The following CD99L2 variants were observed in gnomAD, a reference collection of about 807,000 sequenced individuals.
CD99L2 encodes CD99 antigen-like protein 2.
In CD99L2, 24 loss-of-function variants were observed where a neutral mutation model predicts 27.3. The observed-to-expected ratio is 0.88, with a 90% CI of 0.64 to 1.24. CD99L2 has a LOEUF of 1.24. Among genes scored for constraint, CD99L2 ranks in the 50% most tolerant of loss-of-function variants. CD99L2 has a pLI of 0.00. For synonymous variants in CD99L2, 97 were observed against 87.9 expected, an observed-to-expected ratio of 1.10 and a Z score of -0.58; for missense variants, 255 against 221.6, an observed-to-expected ratio of 1.15 and a Z score of -0.96.
At chrX:150,788,052 G>C (rs1557419616) in intron 7 of CD99L2, among the ~76,000 whole-genome samples, 3 of 107,121 alleles carry the variant, frequency 2.8e-5, no homozygotes. Flanking sequence ...TCTTGTACCA[G>C]TACCATGCTG....
At position 150,872,045 on chromosome X, in the gene CD99L2, ATGTAGGGAGACCC is replaced by A. The variant is rs781945619; in HGVS notation, c.67+26464_67+26476del. On this transcript the variant is annotated intron_variant, in intron 1 of 10. Transcript: ENST00000370377. Reference sequence around the variant, plus strand: ...CAGGAGTTCAAGACAAGCCTGGGCAATGTAGGGAGACCCTGTCTCTACAAAAAAGTTAAAAATC... The same window carrying A: ...CAGGAGTTCAAGACAAGCCTGGGCAATGTCTCTACAAAAAAGTTAAAAATC... 2.3e-4 allele frequency among the ~76,000 whole-genome samples: 25 copies of A among 111,081 alleles called. No individual in the cohort carries two copies. In the East Asian group the frequency reaches 5.7e-3, roughly 25 times the overall value.
chrX:150,856,794 G>A (rs185723148), intron 1 of CD99L2, among the ~76,000 whole-genome samples: 2 of 110,033 alleles, frequency 1.8e-5, no homozygotes, highest in Non-Finnish European at 3.8e-5. Flanking sequence ...CCCAGAAAAA[G>A]AATTCAAATC....
intron 1 of CD99L2, among the ~76,000 whole-genome samples, chrX:150,858,306 C>A (rs2046924509): frequency 8.9e-6 from 1 of 112,171 alleles, no homozygotes; most frequent in Non-Finnish European, 1.9e-5. Context: ...GTTAGATCAT[C>A]TAGACAGAAA....
At chrX:150,869,381 C>A (rs1557422128) in intron 1 of CD99L2, among the ~76,000 whole-genome samples, 8 of 112,363 alleles carry the variant, frequency 7.1e-5, no homozygotes. Context: ...CCTAACAAAT[C>A]CCTCTTGCAT....
intron 9 of CD99L2, among the ~76,000 whole-genome samples, chrX:150,774,862 ACAATC>A (rs1557419210): frequency 8.9e-6 from 1 of 112,127 alleles, no homozygotes; most frequent in Non-Finnish European, 1.9e-5. Flanking sequence ...AACTCTAAAA[ACAATC>A]CATTCCCCAG....
At chrX:150,802,880 C>CTTTTT (rs34693200) in intron 4 of CD99L2, among the ~76,000 whole-genome samples, 6 of 20,817 alleles carry the variant, frequency 2.9e-4, no homozygotes, top group African/African-American at 7.5e-4. Context: ...CGTGCCCAGC[C>CTTTTT]TTTTTTTTTT....
chrX:150,888,135 C>T (rs782291782), intron 1 of CD99L2, among the ~76,000 whole-genome samples: 1 of 111,996 alleles, frequency 8.9e-6, no homozygotes, highest in East Asian at 2.8e-4. Context: ...ATGAAAGTCA[C>T]GCTGGTAACT....
intron 4 of CD99L2, among the ~76,000 whole-genome samples, chrX:150,804,475 G>A (rs966605923): frequency 5.4e-5 from 6 of 111,776 alleles, no homozygotes; most frequent in East Asian, 2.8e-4. Flanking sequence ...CTCCAGGCAC[G>A]GTGGCTCATG....
At chrX:150,769,681 GCCACC>G (rs1260044847) in intron 10 of CD99L2, among the ~76,000 whole-genome samples, 3 of 86,625 alleles carry the variant, frequency 3.5e-5, no homozygotes, top group Admixed American at 3.0e-4. Flanking sequence ...CCCTGCCTGC[GCCACC>G]AGGCCTCGGC....
intron 1 of CD99L2, among the ~76,000 whole-genome samples, chrX:150,870,840 C>G (rs183328450): frequency 1.8e-5 from 2 of 110,005 alleles, no homozygotes; most frequent in African/African-American, 6.6e-5. Context: ...GAAAAGGCAG[C>G]AAGCAGTTAT....
chrX:150,827,303 C>T (rs2046381671), intron 2 of CD99L2, among the ~76,000 whole-genome samples: 1 of 110,595 alleles, frequency 9.0e-6, no homozygotes, highest in Non-Finnish European at 1.9e-5. Flanking sequence ...GAAACATAAG[C>T]TAAGATAGAA....
intron 1 of CD99L2, among the ~76,000 whole-genome samples, chrX:150,852,724 A>G (rs1482686910): frequency 9.1e-6 from 1 of 110,483 alleles, no homozygotes; most frequent in Non-Finnish European, 1.9e-5. Flanking sequence ...ATGCTCTTTC[A>G]TGACTGGCTT....
At chrX:150,780,358 T>C (rs2045489977) in intron 7 of CD99L2, among the ~76,000 whole-genome samples, 1 of 112,190 alleles carries the variant, frequency 8.9e-6, no homozygotes, top group African/African-American at 3.2e-5. Context: ...AGCAGGCATG[T>C]AAAATGGTGC....
intron 4 of CD99L2, among the ~76,000 whole-genome samples, chrX:150,797,927 T>G (rs1164808917): frequency 9.6e-6 from 1 of 104,426 alleles, no homozygotes; most frequent in African/African-American, 3.5e-5. Context: ...CACCTGTGGT[T>G]CCAGCTACTT....
At chrX:150,793,566 C>T in intron 7 of CD99L2, 125 bp downstream of exon 7, 1 of 534,846 alleles carries the variant, frequency 1.9e-6, no homozygotes. Context: ...AAATGAACCC[C>T]AACTGGCAGG....
rs782634859 is a variant in CD99L2 at position 150,795,406 on chromosome X, C to G, written c.346+12G>C. The G allele has an allele frequency of 1.7e-6, 2 of 1,209,094 alleles. No individual in the cohort carries two copies. The highest frequency in any genetic ancestry group is 3.5e-5 in the African/African-American group (2 of 57,077). On this transcript the variant is annotated intron_variant, in intron 5 of 10. Transcript: ENST00000370377. ...CCTTGCCTTACTACTCTCCTCAGAG[C>G]GGCCACCTTACCTAAAGTATTTGCT...
At chrX:150,803,295 A>G (rs782443453) in intron 4 of CD99L2, among the ~76,000 whole-genome samples, 10 of 112,179 alleles carry the variant, frequency 8.9e-5, no homozygotes, top group Non-Finnish European at 1.9e-4. Context: ...ACATAAATCA[A>G]TTGAGAGACA....
intron 2 of CD99L2, among the ~76,000 whole-genome samples, chrX:150,821,150 A>C (rs1180314709): frequency 8.9e-6 from 1 of 111,960 alleles, no homozygotes; most frequent in Non-Finnish European, 1.9e-5. Flanking sequence ...CCTTTTGTGC[A>C]GAAATGGACA....
chrX:150,869,307 A>G (rs906112077), intron 1 of CD99L2, among the ~76,000 whole-genome samples: 2 of 111,386 alleles, frequency 1.8e-5, no homozygotes, highest in Non-Finnish European at 3.8e-5. Context: ...CTTGGGCATT[A>G]CCCATGACAA....
Sources: gnomAD v4.1 joint callset for allele counts (sites outside exome capture counted in the v4.1 genomes callset) on GRCh38, gnomAD v4.1.1 for gene constraint, MANE v1.5 for transcripts, NCBI Gene and HGNC (gene_info 2026-07-23, HGNC 2026-07-21) for gene names.